MTA3: variants seen among roughly 807,000 people sequenced by gnomAD.
MTA3 encodes the protein metastasis associated 1 family member 3.
MTA3 carries 34 observed loss-of-function variants against 83.5 expected under a neutral mutation model. That is an observed-to-expected ratio of 0.41 (90% CI 0.31 to 0.54). The LOEUF (loss-of-function observed/expected upper bound fraction) is 0.54. MTA3 is among the 20% of genes least tolerant of loss of function. The probability of loss-of-function intolerance (pLI) is 0.33; values close to 1 mark genes in which losing one functional copy is unlikely to be tolerated. For missense variants in MTA3, 761 were observed against 726.4 expected, an observed-to-expected ratio of 1.05 and a Z score of -0.55; for synonymous variants, 303 against 252.7, an observed-to-expected ratio of 1.20 and a Z score of -1.89.
In MTA3 at chr2:42,656,256, A is replaced by T; in HGVS notation, c.556A>T (p.Ser186Cys). 1 of 1,613,882 alleles carries T rather than the reference A, an allele frequency of 6.2e-7. No homozygotes were observed. Among genetic ancestry groups the T allele is most frequent in the African/African-American group, 1.3e-5 (1 of 75,050 alleles). The change falls in exon 7 of 17, where the codon AGC becomes TGC. Residue 186 changes from serine to cysteine, a missense_variant. Transcript: ENST00000405094. ...GGAAGTTAAAGTTTGGGATCCAAAT[A>T]GCCCACTTACGGATCGACAGATTGA... ...KLEVKVWDPN[S>C]PLTDRQIDQF...
chr2:42,731,668 C>A (rs1025692154), intron 16 of MTA3, among the ~76,000 whole-genome samples: 6 of 152,130 alleles, frequency 3.9e-5, no homozygotes, highest in African/African-American at 1.2e-4. Context: ...ACAGCCAAAC[C>A]ATATCATTCC....
chr2:42,576,225 T>C (rs2132534), intron 2 of MTA3, among the ~76,000 whole-genome samples: 112,266 of 152,060 alleles, frequency 0.74, 41,644 homozygotes, highest in South Asian at 0.88. Context: ...ATAAAGAAAA[T>C]AGTAATAGTA....
intron 2 of MTA3, among the ~76,000 whole-genome samples, chr2:42,543,431 C>T (rs1203253156): frequency 1.3e-5 from 2 of 152,062 alleles, no homozygotes; most frequent in Non-Finnish European, 2.9e-5. Flanking sequence ...CTACCTCGGC[C>T]TCCCAAAGTG....
chr2:42,616,730 C>T (rs1684943440), intron 4 of MTA3, among the ~76,000 whole-genome samples: 1 of 151,734 alleles, frequency 6.6e-6, no homozygotes. Context: ...AAGCTCACGC[C>T]ACTATGCCTG....
intron 1 of MTA3, chr2:42,569,875 C>G (rs754881614): frequency 1.3e-5 from 2 of 152,298 alleles, no homozygotes; most frequent in African/African-American, 4.8e-5. Context: ...CCCCCGGCCC[C>G]CTTTTTTCCT....
intron 2 of MTA3, among the ~76,000 whole-genome samples, chr2:42,501,412 T>C (rs1674390511): frequency 6.6e-6 from 1 of 152,174 alleles, no homozygotes; most frequent in Non-Finnish European, 1.5e-5. Context: ...TAGCTCAAAA[T>C]AATCCTTACC....
At chr2:42,602,066 C>T (rs747217468) in intron 3 of MTA3, among the ~76,000 whole-genome samples, 2 of 152,236 alleles carry the variant, frequency 1.3e-5, no homozygotes, top group Admixed American at 6.5e-5. Flanking sequence ...GTCTCGAACT[C>T]CTGACCTCAG....
chr2:42,673,773 T>C, intron 8 of MTA3, among the ~76,000 whole-genome samples: 1 of 152,258 alleles, frequency 6.6e-6, no homozygotes, highest in East Asian at 1.9e-4. Flanking sequence ...TTTACAGCCC[T>C]GCATTATTGG....
In MTA3 at chr2:42,594,705, CATAT is replaced by C. The variant is rs1167117095; in HGVS notation, c.191-14732_191-14729del. ...ATACATATATACATATATAAATATA[CATAT>C]ATATATATATATATATATATTTTTT... On this transcript the variant is annotated intron_variant, in intron 3 of 16. Transcript: ENST00000405094. Among the ~76,000 whole-genome samples, 210 of 46,508 alleles carry C rather than the reference CATAT, an allele frequency of 4.5e-3. 10 individuals carry two copies. The highest frequency in any genetic ancestry group is 0.017 in the African/African-American group (161 of 9,676). The allele number at this position is 46,508 out of a possible 152,430, so 30.5% of individuals were successfully genotyped here.
At position 42,576,708 on chromosome 2, in the gene MTA3, G is replaced by T. The variant is rs368438341; in HGVS notation, c.97-2399G>T. On this transcript the variant is annotated intron_variant, in intron 2 of 16. Coordinates refer to ENST00000405094, the MANE Select transcript of MTA3 (RefSeq NM_001330442.2). ...CTGAGAGGAGTCTGAGACTAGCCTGGCCAATGTGGTGAAACCCTGTCTCTA... is the reference window on the plus strand; with the variant it reads ...CTGAGAGGAGTCTGAGACTAGCCTGTCCAATGTGGTGAAACCCTGTCTCTA... 2.6e-5 allele frequency among the ~76,000 whole-genome samples: 4 copies of T among 151,916 alleles called. No individual in the cohort carries two copies. The East Asian group carries it at 5.8e-4, about 22-fold the overall frequency.
intron 4 of MTA3, among the ~76,000 whole-genome samples, chr2:42,633,982 T>G (rs138402011): frequency 2.0e-5 from 3 of 152,322 alleles, no homozygotes; most frequent in Non-Finnish European, 2.9e-5. Flanking sequence ...TTTCTTAATG[T>G]AGAACAGTGA....
At chr2:42,501,181 T>G (rs1674379215) in intron 2 of MTA3, among the ~76,000 whole-genome samples, 1 of 152,084 alleles carries the variant, frequency 6.6e-6, no homozygotes, top group African/African-American at 2.4e-5. Context: ...AGTTTAGGCT[T>G]TTAGGGGTGG....
chr2:42,568,637 G>T lies in MTA3; in HGVS notation c.-109G>T. Reference sequence around the variant, plus strand: ...CCTTCCCTCCCTTCCCCCCCGTGGCGAGGCAGCAGCGACGGCGGCGGCGGC... The same window carrying T: ...CCTTCCCTCCCTTCCCCCCCGTGGCTAGGCAGCAGCGACGGCGGCGGCGGC... On this transcript the variant is annotated 5_prime_UTR_variant, in exon 1 of 17. Transcript: ENST00000405094. 3.1e-6 allele frequency: 2 copies of T among 639,392 alleles called. No homozygotes were observed. Among genetic ancestry groups the T allele is most frequent in the East Asian group, 4.9e-5 (1 of 20,518 alleles). The allele number at this position is 639,392 out of a possible 1,614,324, so 39.6% of individuals were successfully genotyped here.
intron 3 of MTA3, among the ~76,000 whole-genome samples, chr2:42,598,072 C>T (rs996318097): frequency 2.0e-5 from 3 of 151,250 alleles, no homozygotes; most frequent in Non-Finnish European, 4.4e-5. Flanking sequence ...TATTTCTTTT[C>T]TTTTCTTTTT....
At chr2:42,672,408 C>A (rs530063521) in intron 8 of MTA3, among the ~76,000 whole-genome samples, 1 of 150,916 alleles carries the variant, frequency 6.6e-6, no homozygotes, top group African/African-American at 2.4e-5. Context: ...TCTGGGAGGC[C>A]GAGGCGGGTG....
intron 8 of MTA3, among the ~76,000 whole-genome samples, chr2:42,674,355 C>T (rs993595171): frequency 2.0e-5 from 3 of 152,218 alleles, no homozygotes; most frequent in African/African-American, 7.2e-5. Flanking sequence ...CCAAGATTTA[C>T]TTGTCAGTCT....
intron 16 of MTA3, among the ~76,000 whole-genome samples, chr2:42,732,047 C>G (rs1668266266): frequency 6.6e-6 from 1 of 152,170 alleles, no homozygotes; most frequent in African/African-American, 2.4e-5. Context: ...ACAAAATGAC[C>G]TGGTACACAG....
rs185691394 is a variant in MTA3 at position 42,676,433 on chromosome 2, T to G, written c.703-5968T>G. 2.6e-5 allele frequency among the ~76,000 whole-genome samples: 4 copies of G among 152,346 alleles called. No homozygotes were observed. In the East Asian group the frequency reaches 7.7e-4, roughly 29 times the overall value. Reference sequence around the variant, plus strand: ...GTAGCATCAGCTGAGAAAAATGCACTTAATTCTGTGACTGGTTTCAGAGCC... The same window carrying G: ...GTAGCATCAGCTGAGAAAAATGCACGTAATTCTGTGACTGGTTTCAGAGCC... On this transcript the variant is annotated intron_variant, in intron 8 of 16. Coordinates refer to ENST00000405094, the MANE Select transcript of MTA3 (RefSeq NM_001330442.2).
chr2:42,500,911 C>A (rs572320560), intron 2 of MTA3, among the ~76,000 whole-genome samples: 1 of 151,194 alleles, frequency 6.6e-6, no homozygotes, highest in African/African-American at 2.4e-5. Context: ...CCCGGGTTCA[C>A]GCCATTCTCC....
Sources: allele counts gnomAD v4.1 joint callset (sites outside exome capture counted in the v4.1 genomes callset), GRCh38; gene constraint gnomAD v4.1.1; transcripts MANE v1.5; gene names NCBI Gene and HGNC (gene_info 2026-07-23, HGNC 2026-07-21).